The following CNTN5 variants were observed in gnomAD, a reference collection of about 807,000 sequenced individuals.
The protein encoded by CNTN5 is contactin-5.
A neutral mutation model predicts 129.1 loss-of-function variants in CNTN5; 77 were observed. That is an observed-to-expected ratio of 0.60 (90% CI 0.50 to 0.72). The LOEUF is 0.72. Among genes scored for constraint, CNTN5 ranks in the 30% least tolerant of loss-of-function variants. CNTN5 has a pLI of 0.00. For missense variants in CNTN5, 1,478 were observed against 1,328.8 expected (o/e 1.11, Z -1.75); for synonymous variants, 509 against 465.6 (o/e 1.09, Z -1.20).
chr11:99,307,040 G>A (rs922814682), intron 1 of CNTN5, among the ~76,000 whole-genome samples: 1 of 152,026 alleles, frequency 6.6e-6, no homozygotes, highest in Non-Finnish European at 1.5e-5. Flanking sequence ...GTGAAAATGA[G>A]ATAATAAGTA....
chr11:99,655,862 A>C (rs1952337555), intron 3 of CNTN5, among the ~76,000 whole-genome samples: 1 of 152,048 alleles, frequency 6.6e-6, no homozygotes, highest in Admixed American at 6.6e-5. Context: ...CTCCAAATAA[A>C]TGTGTGAACT....
chr11:99,360,650 C>T (rs1050403116), intron 2 of CNTN5, among the ~76,000 whole-genome samples: 1 of 152,104 alleles, frequency 6.6e-6, no homozygotes, highest in African/African-American at 2.4e-5. Flanking sequence ...CATTCTGGTC[C>T]TGGGAAGGGA....
rs964948677 is a variant in CNTN5, at chr11:100,196,499, C to A, written c.1884+2836C>A. On this transcript the variant is annotated intron_variant, in intron 15 of 24. Coordinates refer to ENST00000524871, the MANE Select transcript of CNTN5 (RefSeq NM_014361.4). ...ATACAATGTACATTGTATACATCCACATCTATATACAATGCACATTTTTAT... is the reference window on the plus strand; with the variant it reads ...ATACAATGTACATTGTATACATCCAAATCTATATACAATGCACATTTTTAT... Among the ~76,000 whole-genome samples, 3 of 152,082 alleles carry A rather than the reference C, an allele frequency of 2.0e-5. No homozygotes were observed. The East Asian group carries it at 5.8e-4, about 29-fold the overall frequency.
chr11:99,090,811 A>C (rs1042249585), intron 1 of CNTN5, among the ~76,000 whole-genome samples: 5 of 151,510 alleles, frequency 3.3e-5, no homozygotes, highest in Admixed American at 2.6e-4. Context: ...TCACGAGGTC[A>C]GGAGATGGAG....
intron 3 of CNTN5, among the ~76,000 whole-genome samples, chr11:99,791,460 T>A (rs1048417168): frequency 6.6e-6 from 1 of 152,118 alleles, no homozygotes; most frequent in African/African-American, 2.4e-5. Context: ...TGCAGGTGCA[T>A]GGCATTATTT....
chr11:99,793,224 T>A (rs531564705), intron 3 of CNTN5, among the ~76,000 whole-genome samples: 1 of 152,152 alleles, frequency 6.6e-6, no homozygotes, highest in African/African-American at 2.4e-5. Flanking sequence ...CACGCCCAAC[T>A]AATGTTTTGT....
chr11:100,062,531 A>G (rs1281028439), intron 10 of CNTN5, among the ~76,000 whole-genome samples: 3 of 152,320 alleles, frequency 2.0e-5, no homozygotes, highest in South Asian at 2.1e-4. Flanking sequence ...GAAGTAACTC[A>G]TGATCCACTG....
At chr11:100,174,153 C>T (rs1947897250) in intron 13 of CNTN5, among the ~76,000 whole-genome samples, 1 of 152,076 alleles carries the variant, frequency 6.6e-6, no homozygotes, top group African/African-American at 2.4e-5. Context: ...AGTAAAACCA[C>T]TTCATCTTTG....
chr11:99,672,513 A>G (rs1591456995), intron 3 of CNTN5, among the ~76,000 whole-genome samples: 2 of 151,532 alleles, frequency 1.3e-5, no homozygotes, highest in South Asian at 4.2e-4. Flanking sequence ...TGCACCCCAA[A>G]CAGAAGCTGT....
At chr11:100,141,903 T>C (rs1354090530) in intron 13 of CNTN5, among the ~76,000 whole-genome samples, 1 of 152,018 alleles carries the variant, frequency 6.6e-6, no homozygotes, top group African/African-American at 2.4e-5. Flanking sequence ...CTGGGAGAGA[T>C]TTGTGTGTGA....
intron 13 of CNTN5, among the ~76,000 whole-genome samples, chr11:100,130,845 C>T (rs1946351974): frequency 6.6e-6 from 1 of 151,978 alleles, no homozygotes; most frequent in African/African-American, 2.4e-5. Flanking sequence ...GAAAATTGGG[C>T]AATTTAAGCA....
At chr11:99,759,414 A>G (rs916656148) in intron 3 of CNTN5, among the ~76,000 whole-genome samples, 11 of 152,024 alleles carry the variant, frequency 7.2e-5, no homozygotes, top group Non-Finnish European at 4.4e-5. Context: ...TTATCTGCTG[A>G]AACAAATCTA....
At position 100,191,193 on chromosome 11, in the gene CNTN5, G is replaced by A. The variant is rs202081035; in HGVS notation, c.1648G>A (p.Val550Ile). 31 of 1,612,120 alleles carry A rather than the reference G, an allele frequency of 1.9e-5. No individual in the cohort carries two copies. Among genetic ancestry groups the A allele is most frequent in the Middle Eastern group, 1.6e-4 (1 of 6,070 alleles). ...NASKSDEGKY[V>I]CRGENVFGSA... Reference sequence around the variant, plus strand: ...TTCCAAATCAGACGAGGGAAAGTACGTTTGCCGAGGGGAAAACGTCTTTGG... The same window carrying A: ...TTCCAAATCAGACGAGGGAAAGTACATTTGCCGAGGGGAAAACGTCTTTGG... The change falls in exon 14 of 25, where the codon GTT becomes ATT. Residue 550 changes from valine (V) to isoleucine (I), a missense_variant. Coordinates refer to ENST00000524871, the MANE Select transcript of CNTN5 (RefSeq NM_014361.4).
rs1034573020 is a variant in CNTN5 at position 99,221,235 on chromosome 11, T to A, written c.-209-104111T>A. On this transcript the variant is annotated intron_variant, in intron 1 of 24. Coordinates refer to ENST00000524871, the MANE Select transcript of CNTN5 (RefSeq NM_014361.4). ...ACTCTATATTTTTTAATAATTTTAATTTGACTTTGAAAGGATTTAATATAT... is the reference window on the plus strand; with the variant it reads ...ACTCTATATTTTTTAATAATTTTAAATTGACTTTGAAAGGATTTAATATAT... 2.0e-5 allele frequency among the ~76,000 whole-genome samples: 3 copies of A among 152,104 alleles called. No homozygotes were observed. The South Asian group carries it at 6.2e-4, about 31-fold the overall frequency.
Position 99,844,962 on chromosome 11 carries a change from G to C in CNTN5, c.388G>C (p.Val130Leu), listed in dbSNP as rs760431196. The C allele has an allele frequency of 1.2e-6, 2 of 1,613,268 alleles. No individual in the cohort carries two copies. The highest frequency in any genetic ancestry group is 3.3e-4 in the Middle Eastern group (2 of 6,056). The change falls in exon 5 of 25, where the codon GTT becomes CTT. Residue 130 changes from valine to leucine, a missense_variant. Physicochemically the swap from Val to Leu is conservative, Grantham distance 32. Transcript: ENST00000524871. ...ALNCEVRGNP[V>L]PSYRWLRNGT... Reference sequence around the variant, plus strand: ...GAATTGTGAAGTTCGTGGCAATCCAGTTCCCAGTTACAGGTAGGAATTCAC... The same window carrying C: ...GAATTGTGAAGTTCGTGGCAATCCACTTCCCAGTTACAGGTAGGAATTCAC...
At chr11:99,451,192 T>C (rs1488637043) in intron 2 of CNTN5, among the ~76,000 whole-genome samples, 5 of 152,114 alleles carry the variant, frequency 3.3e-5, no homozygotes, top group Admixed American at 1.3e-4. Flanking sequence ...ATTAGGTAAA[T>C]TACTATCTAA....
chr11:99,417,574 G>T (rs919918649), intron 2 of CNTN5, among the ~76,000 whole-genome samples: 1 of 151,896 alleles, frequency 6.6e-6, no homozygotes, highest in Non-Finnish European at 1.5e-5. Flanking sequence ...GTGTTGAGTT[G>T]AAGTGCTCAA....
intron 2 of CNTN5, among the ~76,000 whole-genome samples, chr11:99,389,090 C>T (rs1176511547): frequency 6.7e-6 from 1 of 149,350 alleles, no homozygotes; most frequent in Non-Finnish European, 1.5e-5. Flanking sequence ...AGTGCAATGG[C>T]ACAATCTTGG....
chr11:99,744,527 C>T (rs374685001), intron 3 of CNTN5, among the ~76,000 whole-genome samples: 49 of 117,890 alleles, frequency 4.2e-4, no homozygotes, highest in African/African-American at 9.7e-4. Flanking sequence ...AGCAAAACCC[C>T]GTCTCTACAA....
Sources: gnomAD v4.1 joint callset for allele counts (sites outside exome capture counted in the v4.1 genomes callset) on GRCh38, gnomAD v4.1.1 for gene constraint, MANE v1.5 for transcripts, NCBI Gene and HGNC (gene_info 2026-07-23, HGNC 2026-07-21) for gene names.